Variants in SLC1A2 observed in about 807,000 individuals in gnomAD.
SLC1A2 encodes the protein excitatory amino acid transporter 2.
In SLC1A2, 15 loss-of-function variants were observed where a neutral mutation model predicts 48.8. The ratio of observed to expected loss-of-function variants is 0.31; its 90% CI spans 0.21 to 0.47. The LOEUF (loss-of-function observed/expected upper bound fraction) is 0.47. Among genes scored for constraint, SLC1A2 ranks in the 20% least tolerant of loss-of-function variants. SLC1A2 has a pLI of 0.99. For synonymous variants in SLC1A2, 279 were observed against 272.6 expected, an observed-to-expected ratio of 1.02 and a Z score of -0.23; for missense variants, 502 against 730.5, an observed-to-expected ratio of 0.69 and a Z score of 3.61.
chr11:35,287,074 C>A lies in SLC1A2; in HGVS notation c.1092-123G>T. ...GTTTTGTGTCAATCAAGCAATGTGA[C>A]ATGCAAAAAAGCAGTATCTGGAGCC... is the stretch of plus-strand genomic sequence containing the variant. On this transcript the variant is annotated intron_variant, in intron 7 of 10. Coordinates refer to ENST00000278379, the MANE Select transcript of SLC1A2 (RefSeq NM_004171.4). 4 of 765,054 alleles carry A rather than the reference C, an allele frequency of 5.2e-6. No individual in the cohort carries two copies. The Admixed American group carries it at 7.6e-5, about 15-fold the overall frequency. The allele number at this position is 765,054 out of a possible 1,614,324, so 47.4% of individuals were successfully genotyped here.
chr11:35,252,760 A>G lies in SLC1A2; in HGVS notation c.*8134T>C, dbSNP rs1446972652. The G allele has an allele frequency of 2.0e-5, 3 of 152,648 alleles. No homozygotes were observed. Among genetic ancestry groups the G allele is most frequent in the Non-Finnish European group, 4.4e-5 (3 of 68,044 alleles). The allele number at this position is 152,648 out of a possible 1,614,324, so 9.5% of individuals were successfully genotyped here. A position where few individuals can be genotyped will look rare whatever the true frequency, so the allele number is the denominator to read the frequency against. On this transcript the variant is annotated 3_prime_UTR_variant, in exon 11 of 11. Transcript: ENST00000278379. ...ATGAATAGCCAAAAATAACATATAC[A>G]TTTAAATTACAATACATCTATACAC...
chr11:35,281,718 TG>T (rs1850638688), intron 8 of SLC1A2: 1 of 152,110 alleles, frequency 6.6e-6, no homozygotes, highest in African/African-American at 2.4e-5. Flanking sequence ...AGTTTGTCTC[TG>T]GGAGAGGGTT....
intron 4 of SLC1A2, among the ~76,000 whole-genome samples, chr11:35,311,922 G>GAGAGAGAGAGAGAGAGAGAGA (rs772570653): frequency 9.2e-5 from 1 of 10,836 alleles, no homozygotes; most frequent in African/African-American, 2.9e-4. Flanking sequence ...GAGAGAGAGA[G>GAGAGAGAGAGAGAGAGAGAGA]GCGGGGGGGG....
chr11:35,289,874 G>A (rs1222629570), intron 7 of SLC1A2, among the ~76,000 whole-genome samples: 2 of 152,276 alleles, frequency 1.3e-5, no homozygotes, highest in South Asian at 2.1e-4. Context: ...TGACACATGA[G>A]CTAATATTCT....
intron 9 of SLC1A2, among the ~76,000 whole-genome samples, chr11:35,270,121 G>T (rs1312618300): frequency 6.6e-6 from 1 of 152,068 alleles, no homozygotes; most frequent in Non-Finnish European, 1.5e-5. Context: ...ATGAATGAAA[G>T]AATATTTTAA....
chr11:35,285,294 C>T (rs1352836875), intron 8 of SLC1A2: 2 of 152,218 alleles, frequency 1.3e-5, no homozygotes, highest in African/African-American at 2.4e-5. Context: ...GCCTCACATG[C>T]CTCCTCTGTA....
chr11:35,382,641 C>G (rs1464822209), intron 1 of SLC1A2, among the ~76,000 whole-genome samples: 1 of 152,102 alleles, frequency 6.6e-6, no homozygotes, highest in Non-Finnish European at 1.5e-5. Context: ...ACTAAAAATA[C>G]AAAAATTAGC....
chr11:35,348,349 G>A (rs1254083617), intron 1 of SLC1A2, among the ~76,000 whole-genome samples: 1 of 152,090 alleles, frequency 6.6e-6, no homozygotes, highest in African/African-American at 2.4e-5. Context: ...ATTTCTAAGG[G>A]TCTCACCTCA....
intron 1 of SLC1A2, among the ~76,000 whole-genome samples, chr11:35,397,864 A>C (rs1448785106): frequency 6.6e-6 from 1 of 152,188 alleles, no homozygotes; most frequent in Non-Finnish European, 1.5e-5. Flanking sequence ...AACTATGAGA[A>C]ATAAACTTCT....
intron 1 of SLC1A2, among the ~76,000 whole-genome samples, chr11:35,347,723 CAG>C (rs1467015862): frequency 1.3e-5 from 2 of 152,274 alleles, no homozygotes; most frequent in East Asian, 1.9e-4. Context: ...ACTGGGAAAA[CAG>C]AGATCATTGT....
intron 10 of SLC1A2, chr11:35,261,790 G>A (rs1053836679): frequency 7.5e-5 from 30 of 398,378 alleles, no homozygotes; most frequent in Non-Finnish European, 8.9e-5. Context: ...ACGCAGTAAT[G>A]TTTGAAAGAA....
At chr11:35,359,166 C>T (rs1037150380) in intron 1 of SLC1A2, among the ~76,000 whole-genome samples, 4 of 152,152 alleles carry the variant, frequency 2.6e-5, no homozygotes, top group African/African-American at 9.7e-5. Flanking sequence ...TATCACACAA[C>T]AGGGAAATGG....
At chr11:35,299,410 C>T (rs972484147) in intron 6 of SLC1A2, 1 of 150,308 alleles carries the variant, frequency 6.7e-6, no homozygotes, top group Non-Finnish European at 1.5e-5. Flanking sequence ...TTTTACAACA[C>T]CACCATATTC....
chr11:35,284,397 C>T (rs1375436899), intron 8 of SLC1A2, among the ~76,000 whole-genome samples: 2 of 152,022 alleles, frequency 1.3e-5, no homozygotes, highest in Non-Finnish European at 2.9e-5. Flanking sequence ...TTCCTCTAGA[C>T]GGCTGTGTGT....
At chr11:35,273,258 G>A (rs540014774) in intron 9 of SLC1A2, among the ~76,000 whole-genome samples, 7 of 152,180 alleles carry the variant, frequency 4.6e-5, no homozygotes, top group Non-Finnish European at 1.0e-4. Flanking sequence ...ACCCGAGGAA[G>A]GCTGGCACAG....
chr11:35,312,460 A>C lies in SLC1A2; in HGVS notation c.311-12T>G, dbSNP rs772227919. On this transcript the variant is annotated splice_polypyrimidine_tract_variant and intron_variant, in intron 3 of 10. Transcript: ENST00000278379. ...CAGGCCTGACAACCCTGGATTGAAA[A>C]GAAATGCAGAAGGATTAATTCTATT... 6.2e-7 allele frequency: 1 copy of C among 1,613,452 alleles called. No individual in the cohort carries two copies. Among genetic ancestry groups the C allele is most frequent in the South Asian group, 1.1e-5 (1 of 91,070 alleles).
At chr11:35,345,965 G>T (rs1014484119) in intron 1 of SLC1A2, among the ~76,000 whole-genome samples, 2 of 152,060 alleles carry the variant, frequency 1.3e-5, no homozygotes, top group African/African-American at 4.8e-5. Flanking sequence ...TTGCAGGTGA[G>T]AACACCAAGT....
chr11:35,391,078 G>A (rs948648439), intron 1 of SLC1A2: 3 of 152,186 alleles, frequency 2.0e-5, no homozygotes, highest in African/African-American at 4.8e-5. Flanking sequence ...GTTGGATGGG[G>A]ATGATCACGA....
intron 1 of SLC1A2, among the ~76,000 whole-genome samples, chr11:35,331,650 C>CAA (rs1467886725): frequency 6.6e-6 from 1 of 152,262 alleles, no homozygotes; most frequent in Non-Finnish European, 1.5e-5. Flanking sequence ...GCAATACATC[C>CAA]TCTTGCACGA....
Sources: gnomAD v4.1 joint callset for allele counts (sites outside exome capture counted in the v4.1 genomes callset) on GRCh38, gnomAD v4.1.1 for gene constraint, MANE v1.5 for transcripts, NCBI Gene and HGNC (gene_info 2026-07-23, HGNC 2026-07-21) for gene names.